Variants in GABRB3 observed in about 807,000 individuals in gnomAD.
GABRB3 encodes the protein gamma-aminobutyric acid type A receptor subunit beta3.
In GABRB3, 14 loss-of-function variants were observed where a neutral mutation model predicts 52.1. The observed-to-expected ratio is 0.27, with a 90% CI of 0.18 to 0.42. The LOEUF (loss-of-function observed/expected upper bound fraction) is 0.42, where lower values mean the gene tolerates loss of function less well. GABRB3 is among the 10% of genes least tolerant of loss of function. The pLI, the probability that GABRB3 is intolerant of heterozygous loss-of-function variation, is 1.00. For missense variants in GABRB3, 307 were observed against 609.1 expected, an observed-to-expected ratio of 0.50 and a Z score of 5.22; for synonymous variants, 260 against 232.3, an observed-to-expected ratio of 1.12 and a Z score of -1.08.
chr15:26,639,341 G>T (rs142738198), intron 3 of GABRB3, among the ~76,000 whole-genome samples: 1 of 126,136 alleles, frequency 7.9e-6, no homozygotes, highest in Admixed American at 8.2e-5. Flanking sequence ...GAAAATATTT[G>T]AAAAAAAAAA....
chr15:26,672,227 C>G (rs1887921057), intron 3 of GABRB3, among the ~76,000 whole-genome samples: 1 of 152,142 alleles, frequency 6.6e-6, no homozygotes, highest in South Asian at 2.1e-4. Context: ...TCTCTAAATT[C>G]TCATTTTTGC....
At chr15:26,765,357 C>T (rs1293098532) in intron 3 of GABRB3, among the ~76,000 whole-genome samples, 3 of 152,112 alleles carry the variant, frequency 2.0e-5, no homozygotes, top group Non-Finnish European at 4.4e-5. Context: ...GGGGTACCAG[C>T]TACAGAATAC....
At chr15:26,736,618 C>T (rs922278022) in intron 3 of GABRB3, among the ~76,000 whole-genome samples, 5 of 152,252 alleles carry the variant, frequency 3.3e-5, no homozygotes, top group Admixed American at 2.0e-4. Context: ...GCCCAGCTCC[C>T]GCAGGAGAGG....
chr15:26,767,489 G>C (rs926057753), intron 3 of GABRB3, among the ~76,000 whole-genome samples: 2 of 152,166 alleles, frequency 1.3e-5, no homozygotes, highest in African/African-American at 4.8e-5. Context: ...GGTATCAATT[G>C]TGTCCCCACA....
At chr15:26,610,068 C>G (rs1472670260) in intron 4 of GABRB3, among the ~76,000 whole-genome samples, 2 of 152,144 alleles carry the variant, frequency 1.3e-5, no homozygotes, top group African/African-American at 4.8e-5. Context: ...AGAGGCCAGA[C>G]CCTTCACACA....
At chr15:26,678,147 T>C (rs1432751974) in intron 3 of GABRB3, among the ~76,000 whole-genome samples, 1 of 152,184 alleles carries the variant, frequency 6.6e-6, no homozygotes, top group African/African-American at 2.4e-5. Context: ...CCAAATGCTC[T>C]TGAGACATCT....
intron 3 of GABRB3, chr15:26,624,828 C>G (rs910549639): frequency 4.1e-6 from 4 of 985,240 alleles, no homozygotes; most frequent in Non-Finnish European, 4.8e-6. Flanking sequence ...CTCGTGCAGC[C>G]GGGAGTAGCA....
At chr15:26,742,307 A>G (rs1257084123) in intron 3 of GABRB3, among the ~76,000 whole-genome samples, 1 of 151,104 alleles carries the variant, frequency 6.6e-6, no homozygotes, top group African/African-American at 2.4e-5. Flanking sequence ...TTTGGCGTGA[A>G]TATTGTCCCA....
At chr15:26,760,768 G>A (rs183756524) in intron 3 of GABRB3, among the ~76,000 whole-genome samples, 2 of 149,798 alleles carry the variant, frequency 1.3e-5, no homozygotes, top group East Asian at 4.0e-4. Flanking sequence ...TTAAAAACTG[G>A]TTTTCTCTGC....
intron 3 of GABRB3, among the ~76,000 whole-genome samples, chr15:26,637,113 G>C (rs1893082635): frequency 6.6e-6 from 1 of 152,170 alleles, no homozygotes; most frequent in South Asian, 2.1e-4. Flanking sequence ...GGCCCACTTA[G>C]CATCTCTCTG....
At chr15:26,648,557 TAAA>T (rs1395984312) in intron 3 of GABRB3, among the ~76,000 whole-genome samples, 1 of 152,058 alleles carries the variant, frequency 6.6e-6, no homozygotes, top group African/African-American at 2.4e-5. Context: ...GGCCATCAGT[TAAA>T]AATACTGAGG....
At chr15:26,603,879 C>G (rs1380590412) in intron 4 of GABRB3, among the ~76,000 whole-genome samples, 1 of 152,120 alleles carries the variant, frequency 6.6e-6, no homozygotes, top group Non-Finnish European at 1.5e-5. Context: ...TAAGGAATCT[C>G]ACTTTCACCA....
intron 4 of GABRB3, among the ~76,000 whole-genome samples, chr15:26,609,043 C>A (rs1891950636): frequency 6.6e-6 from 1 of 150,508 alleles, no homozygotes; most frequent in African/African-American, 2.5e-5. Context: ...ATGGAATCAA[C>A]CTAAGTGTCC....
chr15:26,565,563 T>C (rs912640688), intron 7 of GABRB3, among the ~76,000 whole-genome samples: 1 of 152,200 alleles, frequency 6.6e-6, no homozygotes, highest in Non-Finnish European at 1.5e-5. Flanking sequence ...TTGTTTATAT[T>C]AATAATGCTG....
rs71130258 is a variant in GABRB3 at position 26,554,176 on chromosome 15, G to GTA, written c.1081-6044_1081-6043dup. 7.3e-5 allele frequency among the ~76,000 whole-genome samples: 2 copies of GTA among 27,334 alleles called. 1 individual carries two copies. Among genetic ancestry groups the GTA allele is most frequent in the Non-Finnish European group, 1.5e-4 (2 of 13,538 alleles). 17.9% of individuals were successfully genotyped at this position (27,334 alleles called of 152,430 possible). A position where few individuals can be genotyped will look rare whatever the true frequency, so the allele number is the denominator to read the frequency against. Reference sequence around the variant, plus strand: ...TATATATAAAGTATATATATATAAAGTATATATATATATACTATATATATA... The same window carrying GTA: ...TATATATAAAGTATATATATATAAAGTATATATATATATATACTATATATATA... On this transcript the variant is annotated intron_variant, in intron 8 of 8. Transcript: ENST00000311550.
intron 4 of GABRB3, among the ~76,000 whole-genome samples, chr15:26,584,495 A>G (rs1421912380): frequency 6.6e-6 from 1 of 152,132 alleles, no homozygotes; most frequent in Non-Finnish European, 1.5e-5. Flanking sequence ...TTACTGTGTG[A>G]TCATCTATCT....
intron 3 of GABRB3, chr15:26,625,010 T>C: frequency 2.1e-6 from 2 of 969,596 alleles, no homozygotes; most frequent in Non-Finnish European, 2.5e-6. Context: ...TTATAATTAT[T>C]ATCCTATATC....
chr15:26,612,666 A>G (rs938715061), intron 4 of GABRB3: 5 of 152,270 alleles, frequency 3.3e-5, no homozygotes, highest in African/African-American at 9.6e-5. Context: ...TGAATATAGT[A>G]TATCTTTTGC....
chr15:26,749,897 G>T (rs1890456354), intron 3 of GABRB3: 1 of 152,150 alleles, frequency 6.6e-6, no homozygotes, highest in African/African-American at 2.4e-5. Context: ...AAGTCCTGAG[G>T]TTCTCAGGCA....
Sources: allele counts gnomAD v4.1 joint callset (sites outside exome capture counted in the v4.1 genomes callset), GRCh38; gene constraint gnomAD v4.1.1; transcripts MANE v1.5; gene names NCBI Gene and HGNC (gene_info 2026-07-23, HGNC 2026-07-21).